CSMD1: variants seen among roughly 807,000 people sequenced by gnomAD.
The protein encoded by CSMD1 is CUB and Sushi multiple domains 1, also known as CUB and sushi domain-containing protein 1.
In CSMD1, 213 loss-of-function variants were observed where a neutral mutation model predicts 417.5. The observed-to-expected ratio is 0.51, with a 90% confidence interval of 0.46 to 0.57. CSMD1 has a LOEUF of 0.57. Among genes scored for constraint, CSMD1 ranks in the 20% least tolerant of loss-of-function variants. The pLI, the probability that CSMD1 is intolerant of heterozygous loss-of-function variation, is 0.00. For missense variants in CSMD1, 6,923 were observed against 4,529.7 expected (o/e 1.53, Z -15.17); for synonymous variants, 2,862 against 1,736.8 (o/e 1.65, Z -16.11).
chr8:4,327,146 C>A (rs1799605334), intron 3 of CSMD1, among the ~76,000 whole-genome samples: 1 of 152,084 alleles, frequency 6.6e-6, no homozygotes, highest in Admixed American at 6.6e-5. Context: ...ACAAGGTCTA[C>A]TAGACAACAA....
At chr8:3,312,682 C>T (rs1308066344) in intron 23 of CSMD1, among the ~76,000 whole-genome samples, 1 of 152,158 alleles carries the variant, frequency 6.6e-6, no homozygotes, top group East Asian at 1.9e-4. Context: ...TCTGAAGCTT[C>T]TACTTCGTGT....
chr8:3,575,289 T>A (rs763861868), intron 9 of CSMD1, among the ~76,000 whole-genome samples: 3 of 152,042 alleles, frequency 2.0e-5, no homozygotes, highest in Non-Finnish European at 4.4e-5. Flanking sequence ...CTGGGACACT[T>A]CATTTTTCCC....
chr8:2,963,403 C>G lies in CSMD1; in HGVS notation c.9281-8G>C, dbSNP rs1194365885. ...GCTGAGGACACAGCACGGCTATTTC[C>G]AAAGAACAAACAAGATCAACATTCC... On this transcript the variant is annotated splice_polypyrimidine_tract_variant and splice_region_variant and intron_variant, in intron 59 of 69. Coordinates refer to ENST00000635120, the MANE Select transcript of CSMD1 (RefSeq NM_033225.6). The G allele has an allele frequency of 6.2e-7, 1 of 1,612,758 alleles. No homozygotes were observed. Among genetic ancestry groups the G allele is most frequent in the East Asian group, 2.2e-5 (1 of 44,822 alleles).
intron 5 of CSMD1, among the ~76,000 whole-genome samples, chr8:3,965,492 G>A (rs1812620717): frequency 6.6e-6 from 1 of 152,160 alleles, no homozygotes; most frequent in Admixed American, 6.5e-5. Context: ...CAAAACCAAA[G>A]TAAAGTTGAA....
intron 1 of CSMD1, among the ~76,000 whole-genome samples, chr8:4,914,025 C>G (rs1161087173): frequency 6.6e-6 from 1 of 152,124 alleles, no homozygotes; most frequent in Non-Finnish European, 1.5e-5. Flanking sequence ...GCTGCAGTTT[C>G]TTAAAGACAT....
chr8:4,153,417 G>C (rs1055599978), intron 3 of CSMD1, among the ~76,000 whole-genome samples: 1 of 152,176 alleles, frequency 6.6e-6, no homozygotes, highest in African/African-American at 2.4e-5. Flanking sequence ...CCTCATTCAT[G>C]CTGTTGCCTG....
chr8:4,916,409 C>G (rs528335531), intron 1 of CSMD1, among the ~76,000 whole-genome samples: 2 of 152,332 alleles, frequency 1.3e-5, no homozygotes, highest in East Asian at 3.9e-4. Context: ...AACACATATG[C>G]ACATATAAAT....
intron 6 of CSMD1, among the ~76,000 whole-genome samples, chr8:3,731,725 T>C (rs1035878520): frequency 1.3e-5 from 2 of 152,122 alleles, no homozygotes; most frequent in Non-Finnish European, 2.9e-5. Context: ...GAGCACAGAA[T>C]TTACAGGTAG....
intron 25 of CSMD1, among the ~76,000 whole-genome samples, chr8:3,299,470 A>T (rs765969240): frequency 1.3e-5 from 2 of 152,284 alleles, no homozygotes; most frequent in South Asian, 4.1e-4. Flanking sequence ...AAGGAATGCA[A>T]TGTGGTATCA....
chr8:3,296,756 C>T (rs1248817191), intron 25 of CSMD1, among the ~76,000 whole-genome samples: 1 of 152,094 alleles, frequency 6.6e-6, no homozygotes, highest in Admixed American at 6.5e-5. Context: ...AGGTTTGTCC[C>T]TCAGAAACTG....
chr8:3,033,802 A>G (rs1810496669), intron 50 of CSMD1, among the ~76,000 whole-genome samples: 1 of 152,212 alleles, frequency 6.6e-6, no homozygotes, highest in Non-Finnish European at 1.5e-5. Context: ...ATAAAAATAA[A>G]TAAACAAATT....
chr8:4,680,303 A>G (rs1039368446), intron 1 of CSMD1, among the ~76,000 whole-genome samples: 1 of 152,168 alleles, frequency 6.6e-6, no homozygotes, highest in African/African-American at 2.4e-5. Context: ...TCGACCGAAA[A>G]AGTAATATGA....
intron 3 of CSMD1, among the ~76,000 whole-genome samples, chr8:4,321,364 A>G (rs1297147758): frequency 6.6e-6 from 1 of 152,084 alleles, no homozygotes; most frequent in Non-Finnish European, 1.5e-5. Context: ...GCTGGCAGTT[A>G]AAGCATAAGA....
At chr8:4,764,715 T>C (rs1585062239) in intron 1 of CSMD1, among the ~76,000 whole-genome samples, 1 of 148,208 alleles carries the variant, frequency 6.7e-6, no homozygotes, top group Non-Finnish European at 1.5e-5. Flanking sequence ...CTACTAAAAA[T>C]ACGAAAAATT....
At chr8:3,466,321 C>G (rs140820649) in intron 12 of CSMD1, among the ~76,000 whole-genome samples, 2 of 152,150 alleles carry the variant, frequency 1.3e-5, no homozygotes, top group Non-Finnish European at 2.9e-5. Flanking sequence ...GCCTGTGTTC[C>G]TAACACTAGA....
intron 41 of CSMD1, among the ~76,000 whole-genome samples, chr8:3,126,281 G>A (rs1817504817): frequency 6.6e-6 from 1 of 152,192 alleles, no homozygotes; most frequent in Non-Finnish European, 1.5e-5. Context: ...AGTCTTGATG[G>A]AAAGAATTGT....
intron 3 of CSMD1, among the ~76,000 whole-genome samples, chr8:4,316,651 T>C (rs1281651703): frequency 1.3e-5 from 2 of 152,068 alleles, no homozygotes; most frequent in East Asian, 3.9e-4. Flanking sequence ...GGGTACACTG[T>C]GTCAAGATGA....
intron 41 of CSMD1, among the ~76,000 whole-genome samples, chr8:3,133,228 T>A (rs1000784963): frequency 3.3e-5 from 5 of 152,094 alleles, no homozygotes; most frequent in African/African-American, 1.2e-4. Flanking sequence ...GCTGCTGCTG[T>A]CCCAATGGGG....
chr8:4,326,383 C>A (rs190337501), intron 3 of CSMD1, among the ~76,000 whole-genome samples: 2 of 152,220 alleles, frequency 1.3e-5, no homozygotes, highest in East Asian at 1.9e-4. Flanking sequence ...TGGCGAGAGG[C>A]ACTCAGATTT....
Sources: gnomAD v4.1 joint callset for allele counts (sites outside exome capture counted in the v4.1 genomes callset) on GRCh38, gnomAD v4.1.1 for gene constraint, MANE v1.5 for transcripts, NCBI Gene and HGNC (gene_info 2026-07-23, HGNC 2026-07-21) for gene names.